The following ETFDH variants were observed in gnomAD, a reference collection of about 807,000 sequenced individuals.
ETFDH encodes electron transfer flavoprotein-ubiquinone oxidoreductase, mitochondrial.
Under a neutral mutation model 73.2 loss-of-function variants are expected in ETFDH, and 61 were observed. The observed-to-expected ratio is 0.83, with a 90% confidence interval of 0.68 to 1.03. ETFDH has a LOEUF of 1.03. Among genes scored for constraint, ETFDH ranks in the 50% least tolerant of loss-of-function variants. The probability of loss-of-function intolerance (pLI) is 0.00; values close to 1 mark genes in which losing one functional copy is unlikely to be tolerated. For missense variants in ETFDH, 685 were observed against 745.0 expected (o/e 0.92, Z 0.94); for synonymous variants, 243 against 253.3 (o/e 0.96, Z 0.39).
At chr4:158,693,161 GT>G in intron 6 of ETFDH, among the ~76,000 whole-genome samples, 1 of 152,282 alleles carries the variant, frequency 6.6e-6, no homozygotes, top group African/African-American at 2.4e-5. Context: ...AACAGCTCTT[GT>G]TAGAGTCACA....
rs751821289 is a variant in ETFDH, at chr4:158,706,269, C to T, written c.1366C>T (p.Pro456Ser). 1.2e-5 allele frequency: 20 copies of T among 1,611,294 alleles called. No homozygotes were observed. Among genetic ancestry groups the T allele is most frequent in the Non-Finnish European group, 1.5e-5 (18 of 1,177,534 alleles). ...GCTATATTCTGTTAGAAATATAAGA[C>T]CGTCCTGCCACGGAGTACTGGGTGT... Reference protein sequence around the residue: ...KELYSVRNIRPSCHGVLGVYG... With the variant: ...KELYSVRNIRSSCHGVLGVYG... The change falls in exon 11 of 13, where the codon CCG (proline) becomes TCG (serine). Residue 456 changes from proline to serine, a missense_variant. Physicochemically the swap from Pro to Ser is moderately conservative, Grantham distance 74. This residue lies in a region of ETFDH where 201 missense variants were observed against 225.2 expected (regional missense o/e 0.89). Coordinates refer to ENST00000511912, the MANE Select transcript of ETFDH (RefSeq NM_004453.4).
intron 8 of ETFDH, among the ~76,000 whole-genome samples, chr4:158,698,035 C>A (rs546742750): frequency 3.9e-5 from 6 of 152,234 alleles, no homozygotes; most frequent in African/African-American, 1.4e-4. Context: ...CCATATACAC[C>A]CATTAAATAA....
At position 158,708,820 on chromosome 4, in the gene ETFDH, A is replaced by C. The variant is rs1384267637; in HGVS notation, c.*293A>C. On this transcript the variant is annotated 3_prime_UTR_variant, in exon 13 of 13. Coordinates refer to ENST00000511912, the MANE Select transcript of ETFDH (RefSeq NM_004453.4). ...TACATTTGACTTGCCAAAGTTAAGT[A>C]ATCAAATATAAAAATGAATATATAT... is the stretch of plus-strand genomic sequence containing the variant. 6.0e-6 allele frequency: 2 copies of C among 332,712 alleles called. No individual in the cohort carries two copies. Among genetic ancestry groups the C allele is most frequent in the Non-Finnish European group, 1.1e-5 (2 of 176,968 alleles). 20.6% of individuals were successfully genotyped at this position (332,712 alleles called of 1,614,324 possible). A position where few individuals can be genotyped will look rare whatever the true frequency, so the allele number is the denominator to read the frequency against.
In ETFDH at chr4:158,703,872, G is replaced by A. The variant is rs546279958; in HGVS notation, c.1285+281G>A. ...AGCACTTTGGTAGGCTGAGGCGGGT[G>A]GATCATCTGAAGTCAGGAGCTCGAG... On this transcript the variant is annotated intron_variant, in intron 10 of 12. Coordinates refer to ENST00000511912, the MANE Select transcript of ETFDH (RefSeq NM_004453.4). Among the ~76,000 whole-genome samples the A allele has an allele frequency of 3.9e-5, 6 of 152,308 alleles. No homozygotes were observed. In the East Asian group the frequency reaches 1.2e-3, roughly 29 times the overall value.
intron 9 of ETFDH, 46 bp from the exon 10 acceptor site, chr4:158,703,377 G>C (rs1461359748): frequency 7.4e-7 from 1 of 1,353,788 alleles, no homozygotes; most frequent in Non-Finnish European, 1.1e-6. Context: ...TGTTGTTCTT[G>C]TTTAATATGA....
chr4:158,697,311 T>C (rs577382237), intron 7 of ETFDH, among the ~76,000 whole-genome samples: 103 of 152,268 alleles, frequency 6.8e-4, no homozygotes, highest in African/African-American at 2.4e-3. Flanking sequence ...GCCAGGATGG[T>C]CTCGAACTCC....
At chr4:158,679,024 G>A (rs1773779891) in intron 1 of ETFDH, among the ~76,000 whole-genome samples, 1 of 152,056 alleles carries the variant, frequency 6.6e-6, no homozygotes, top group Non-Finnish European at 1.5e-5. Flanking sequence ...GACCTAGGGA[G>A]CAGAGTATAC....
At chr4:158,672,866 C>T (rs1773613112) in intron 1 of ETFDH, among the ~76,000 whole-genome samples, 1 of 152,118 alleles carries the variant, frequency 6.6e-6, no homozygotes, top group African/African-American at 2.4e-5. Context: ...CCCAGTTTTT[C>T]TCCCTGGTCC....
intron 9 of ETFDH, among the ~76,000 whole-genome samples, chr4:158,701,654 T>C (rs1004642410): frequency 1.3e-5 from 2 of 152,112 alleles, no homozygotes; most frequent in Non-Finnish European, 2.9e-5. Flanking sequence ...TCTTGTTAGC[T>C]CCCTCCTCTG....
At chr4:158,705,805 G>C (rs1001813515) in intron 10 of ETFDH, among the ~76,000 whole-genome samples, 5 of 152,222 alleles carry the variant, frequency 3.3e-5, no homozygotes, top group Admixed American at 1.3e-4. Context: ...CATCAGCCAG[G>C]TGCGGTGGCT....
chr4:158,705,198 GGTTT>G (rs1774575074), intron 10 of ETFDH, among the ~76,000 whole-genome samples: 1 of 151,992 alleles, frequency 6.6e-6, no homozygotes, highest in African/African-American at 2.4e-5. Context: ...TGAAGTGGTG[GGTTT>G]GTTTTTGTTT....
intron 1 of ETFDH, among the ~76,000 whole-genome samples, chr4:158,675,630 A>G (rs920172475): frequency 2.6e-5 from 4 of 152,190 alleles, no homozygotes; most frequent in Admixed American, 2.6e-4. Flanking sequence ...TTATCCGGGC[A>G]TGGTGGCATG....
intron 3 of ETFDH, among the ~76,000 whole-genome samples, chr4:158,682,927 G>C (rs1235908762): frequency 2.0e-5 from 3 of 152,082 alleles, no homozygotes; most frequent in African/African-American, 4.8e-5. Context: ...ATATTTTTGT[G>C]TAATGCTTTC....
At position 158,697,613 on chromosome 4, in the gene ETFDH, G is replaced by C. The variant is rs1774344546; in HGVS notation, c.886G>C (p.Gly296Arg). Residue 296 changes from glycine to arginine, a missense_variant, in exon 8 of 13, where the codon GGT becomes CGT. Physicochemically the swap from Gly to Arg is moderately radical, Grantham distance 125. Around this residue, in one of 3 missense-constraint regions of ETFDH, gnomAD observed 405 missense variants for 399.3 expected, o/e 1.01. Coordinates refer to ENST00000511912, the MANE Select transcript of ETFDH (RefSeq NM_004453.4). ...WKPGRVDHTV[G>R]WPLDRHTYGG... is the part of the protein sequence containing the mutation. ...ACCTGGGAGAGTAGATCACACTGTT[G>C]GTTGGCCCTTGGACAGACATACCTA... 2.5e-6 allele frequency: 4 copies of C among 1,612,722 alleles called. No individual in the cohort carries two copies. Among genetic ancestry groups the C allele is most frequent in the Non-Finnish European group, 3.4e-6 (4 of 1,179,250 alleles).
At chr4:158,674,882 A>G (rs770090291) in intron 1 of ETFDH, among the ~76,000 whole-genome samples, 1 of 152,126 alleles carries the variant, frequency 6.6e-6, no homozygotes, top group Non-Finnish European at 1.5e-5. Context: ...TTTTTTGGTC[A>G]CATAAATGGT....
intron 8 of ETFDH, 61 bp from the exon 9 acceptor site, chr4:158,698,926 T>C: frequency 8.0e-7 from 1 of 1,247,490 alleles, no homozygotes; most frequent in Non-Finnish European, 1.2e-6. Context: ...ATTGCTTACA[T>C]TTTAGCTTGA....
At position 158,706,196 on chromosome 4, in the gene ETFDH, T is replaced by C. The variant is rs745559526; in HGVS notation, c.1293T>C (p.His431=). The change falls in exon 11 of 13, where the codon CAT becomes CAC. Residue 431 remains histidine (H), a synonymous_variant. Transcript: ENST00000511912. ...TCATGTTTTTAATAAAAGGACTCCATGTAACTGAATATGAGGACAATTTGA... is the reference window on the plus strand; with the variant it reads ...TCATGTTTTTAATAAAAGGACTCCACGTAACTGAATATGAGGACAATTTGA... The part of the protein sequence containing the change: ...ENLQSKTIGL[H]VTEYEDNLKN... 5.0e-6 allele frequency: 8 copies of C among 1,606,992 alleles called. No individual in the cohort carries two copies. Among genetic ancestry groups the C allele is most frequent in the Non-Finnish European group, 6.0e-6 (7 of 1,173,538 alleles).
rs1773886068 is a variant in ETFDH at position 158,682,403 on chromosome 4, C to G, written c.384C>G (p.Phe128Leu). ...ATCCAGGTGCTTTTAAAGAACTCTT[C>G]CCAGACTGGAAAGAGAAGGGGGTAT... ...CLDPGAFKEL[F>L]PDWKEKGAPL... The change falls in exon 3 of 13, where the codon TTC becomes TTG. Residue 128 changes from phenylalanine to leucine, a missense_variant. Physicochemically the swap from Phe to Leu is conservative, Grantham distance 22 (BLOSUM62 0). Around this residue, in one of 3 missense-constraint regions of ETFDH, gnomAD observed 405 missense variants for 399.3 expected, o/e 1.01. Coordinates refer to ENST00000511912, the MANE Select transcript of ETFDH (RefSeq NM_004453.4). The G allele has an allele frequency of 6.2e-7, 1 of 1,613,304 alleles. No homozygotes were observed. Among genetic ancestry groups the G allele is most frequent in the Non-Finnish European group, 8.5e-7 (1 of 1,179,306 alleles).
At chr4:158,705,160 A>G (rs1411486051) in intron 10 of ETFDH, among the ~76,000 whole-genome samples, 1 of 152,210 alleles carries the variant, frequency 6.6e-6, no homozygotes, top group Non-Finnish European at 1.5e-5. Flanking sequence ...TGTCCTCTTT[A>G]TTAAGTGCAT....
Sources: allele counts gnomAD v4.1 joint callset (sites outside exome capture counted in the v4.1 genomes callset), GRCh38; gene constraint gnomAD v4.1.1; regional missense constraint gnomAD v4.1.1; transcripts MANE v1.5; gene names NCBI Gene and HGNC (gene_info 2026-07-23, HGNC 2026-07-21).